Variants in CAMK2D observed in about 807,000 individuals in gnomAD.
CAMK2D encodes calcium/calmodulin-dependent protein kinase type II subunit delta.
In CAMK2D, 37 loss-of-function variants were observed where a neutral mutation model predicts 84.0. That is an observed-to-expected ratio of 0.44 (90% CI 0.34 to 0.58). The LOEUF (loss-of-function observed/expected upper bound fraction) is 0.58. Ranked by LOEUF, CAMK2D falls within the 20% of genes least tolerant of loss-of-function variation. The probability of loss-of-function intolerance (pLI) is 0.02; values close to 1 mark genes in which losing one functional copy is unlikely to be tolerated. For missense variants in CAMK2D, 448 were observed against 652.5 expected, an observed-to-expected ratio of 0.69 and a Z score of 3.41; for synonymous variants, 202 against 212.5, an observed-to-expected ratio of 0.95 and a Z score of 0.43.
chr4:113,517,482 GA>G, intron 9 of CAMK2D, 80 bp downstream of exon 9: 1 of 617,464 alleles, frequency 1.6e-6, no homozygotes. Context: ...ATGGTTAAAA[GA>G]AAAATGAAAA....
chr4:113,557,883 T>C (rs1234407595), intron 4 of CAMK2D, among the ~76,000 whole-genome samples: 1 of 152,216 alleles, frequency 6.6e-6, no homozygotes, highest in African/African-American at 2.4e-5. Context: ...CCTGTGCATA[T>C]ATAAAACACA....
chr4:113,730,274 T>C (rs143136526), intron 2 of CAMK2D, among the ~76,000 whole-genome samples: 1 of 152,358 alleles, frequency 6.6e-6, no homozygotes, highest in East Asian at 1.9e-4. Context: ...TCTAAGCTCC[T>C]CATTTCATGT....
chr4:113,676,826 A>G (rs888211175), intron 2 of CAMK2D, among the ~76,000 whole-genome samples: 3 of 152,174 alleles, frequency 2.0e-5, no homozygotes, highest in Non-Finnish European at 4.4e-5. Flanking sequence ...CTTTTTCACA[A>G]CTTACTATTC....
intron 16 of CAMK2D, among the ~76,000 whole-genome samples, chr4:113,492,135 A>G (rs1222184950): frequency 6.6e-6 from 1 of 151,302 alleles, no homozygotes; most frequent in Non-Finnish European, 1.5e-5. Flanking sequence ...TTGTGTCTCT[A>G]TTTCCTTCAG....
At chr4:113,482,071 T>G (rs866153576) in intron 16 of CAMK2D, among the ~76,000 whole-genome samples, 1 of 152,204 alleles carries the variant, frequency 6.6e-6, no homozygotes, top group African/African-American at 2.4e-5. Context: ...TAGATTCTGA[T>G]GTCTTTGGCA....
intron 4 of CAMK2D, among the ~76,000 whole-genome samples, chr4:113,589,562 T>A (rs145225737): frequency 1.3e-3 from 200 of 152,030 alleles, no homozygotes; most frequent in Non-Finnish European, 2.0e-3. Context: ...GCGCAATGAG[T>A]CAATAATTAC....
At chr4:113,590,332 C>T (rs947144568) in intron 4 of CAMK2D, among the ~76,000 whole-genome samples, 3 of 152,070 alleles carry the variant, frequency 2.0e-5, no homozygotes, top group Admixed American at 2.0e-4. Flanking sequence ...CTAAGAGAAA[C>T]ATCAGGCAAT....
intron 3 of CAMK2D, among the ~76,000 whole-genome samples, chr4:113,616,098 C>CA (rs1352095016): frequency 1.4e-4 from 21 of 151,884 alleles, no homozygotes; most frequent in African/African-American, 4.6e-4. Flanking sequence ...CCTGTAATGA[C>CA]AAAAAATCTA....
intron 20 of CAMK2D, 146 bp downstream of exon 20, chr4:113,455,580 C>A: frequency 2.0e-6 from 1 of 501,742 alleles, no homozygotes; most frequent in Non-Finnish European, 3.7e-6. Flanking sequence ...AAAGCTCATG[C>A]AAAATTGCTA....
chr4:113,476,250 T>C (rs1037836825), intron 16 of CAMK2D, among the ~76,000 whole-genome samples: 1 of 152,174 alleles, frequency 6.6e-6, no homozygotes, highest in Non-Finnish European at 1.5e-5. Flanking sequence ...AGGCACAGCA[T>C]TGTAAATCTG....
intron 4 of CAMK2D, among the ~76,000 whole-genome samples, chr4:113,587,832 GTT>G (rs1187498957): frequency 6.6e-6 from 1 of 152,082 alleles, no homozygotes; most frequent in Non-Finnish European, 1.5e-5. Flanking sequence ...AGTGTTTTGG[GTT>G]TCACAATTAT....
At chr4:113,506,641 A>G (rs150934398) in intron 13 of CAMK2D, among the ~76,000 whole-genome samples, 18 of 152,330 alleles carry the variant, frequency 1.2e-4, no homozygotes, top group Middle Eastern at 3.4e-3. Flanking sequence ...GCTAGGCAAA[A>G]CATAGCCGGC....
At chr4:113,643,082 A>G (rs1418814873) in intron 3 of CAMK2D, among the ~76,000 whole-genome samples, 1 of 152,268 alleles carries the variant, frequency 6.6e-6, no homozygotes, top group East Asian at 1.9e-4. Context: ...TCTGTGTCCT[A>G]TAAATCAAGA....
chr4:113,718,958 A>C (rs986326566), intron 2 of CAMK2D, among the ~76,000 whole-genome samples: 3 of 152,218 alleles, frequency 2.0e-5, no homozygotes, highest in African/African-American at 7.2e-5. Context: ...TTAAGAAAAA[A>C]CAGTGAAAAT....
chr4:113,597,275 A>G (rs1037686873), intron 4 of CAMK2D, among the ~76,000 whole-genome samples: 1 of 152,228 alleles, frequency 6.6e-6, no homozygotes, highest in Non-Finnish European at 1.5e-5. Flanking sequence ...TCTTCCTCCA[A>G]TAGAAGATTG....
At chr4:113,463,616 T>G (rs2097420377) in intron 17 of CAMK2D, among the ~76,000 whole-genome samples, 1 of 152,210 alleles carries the variant, frequency 6.6e-6, no homozygotes, top group African/African-American at 2.4e-5. Flanking sequence ...CCTCAGGTGA[T>G]CTGCCTGCCT....
rs188785214 is a variant in CAMK2D, at chr4:113,677,485, A to G, written c.161-15713T>C. On this transcript the variant is annotated intron_variant, in intron 2 of 20. Transcript: ENST00000511664. ...AAGTGAAAGTAACAGAATGGAGACT[A>G]TATCTGATACAACTTGGCTTACTTC... 2.2e-5 allele frequency: 11 copies of G among 499,038 alleles called. No homozygotes were observed. In the Admixed American group the frequency reaches 5.7e-4, roughly 26 times the overall value. The allele number at this position is 499,038 out of a possible 1,614,324, so 30.9% of individuals were successfully genotyped here.
chr4:113,505,248 G>T (rs766971690), intron 13 of CAMK2D, among the ~76,000 whole-genome samples: 1 of 152,184 alleles, frequency 6.6e-6, no homozygotes, highest in Non-Finnish European at 1.5e-5. Flanking sequence ...GGTGCAATGA[G>T]AAAACAGACG....
chr4:113,650,203 T>C (rs1477411040), intron 3 of CAMK2D, among the ~76,000 whole-genome samples: 3 of 151,974 alleles, frequency 2.0e-5, no homozygotes, highest in Admixed American at 2.0e-4. Context: ...AATGTGGACA[T>C]AAAACTAATC....
Sources: gnomAD v4.1 joint callset for allele counts (sites outside exome capture counted in the v4.1 genomes callset) on GRCh38, gnomAD v4.1.1 for gene constraint, MANE v1.5 for transcripts, NCBI Gene and HGNC (gene_info 2026-07-23, HGNC 2026-07-21) for gene names.